Variants in CTBP2 observed in about 807,000 individuals in gnomAD.
CTBP2 encodes the protein C-terminal binding protein 2.
A neutral mutation model predicts 80.3 loss-of-function variants in CTBP2; 30 were observed. The observed-to-expected ratio is 0.37, with a 90% CI of 0.28 to 0.51. The LOEUF is 0.51. Ranked by LOEUF, CTBP2 falls within the 20% of genes least tolerant of loss-of-function variation. The pLI is 0.93. For missense variants in CTBP2, 1,212 were observed against 1,375.3 expected, an observed-to-expected ratio of 0.88 and a Z score of 1.88; for synonymous variants, 594 against 587.4, an observed-to-expected ratio of 1.01 and a Z score of -0.16.
chr10:125,140,567 A>T (rs1326333479), intron 1 of CTBP2, among the ~76,000 whole-genome samples: 1 of 152,250 alleles, frequency 6.6e-6, no homozygotes, highest in Non-Finnish European at 1.5e-5. Context: ...TCACGCCTGT[A>T]ATCTCAGCAC....
In CTBP2 at chr10:125,027,712, C is replaced by T; in HGVS notation, c.48G>A (p.Trp16Ter). ...GGCCCTCGTACCACCCAGCAGCATC[C>T]CAGCTCTGAGAACGACCAATATTTA... Residue 16 changes from tryptophan to a stop codon, truncating the protein, a stop_gained, in exon 1 of 9, where the codon TGG (tryptophan) becomes TGA (stop). Transcript: ENST00000309035. LOFTEE classifies it high-confidence loss of function. 1 of 1,611,950 alleles carries T rather than the reference C, an allele frequency of 6.2e-7. No individual in the cohort carries two copies. Among genetic ancestry groups the T allele is most frequent in the Non-Finnish European group, 8.5e-7 (1 of 1,178,678 alleles).
At chr10:124,994,762 G>C in intron 4 of CTBP2, 79 bp from the exon 7 acceptor site, 1 of 1,439,064 alleles carries the variant, frequency 6.9e-7, no homozygotes, top group South Asian at 1.2e-5. Context: ...CTTCTGAGCT[G>C]AGTCCGGGCT....
intron 6 of CTBP2, 133 bp downstream of exon 8, chr10:124,993,722 G>T: frequency 8.8e-7 from 1 of 1,129,988 alleles, no homozygotes; most frequent in Non-Finnish European, 1.3e-6. Flanking sequence ...GAAGAACAGA[G>T]ACTGTAAATG....
chr10:125,026,588 G>GGAGCC lies in CTBP2; in HGVS notation c.1167_1171dup (p.Pro391ArgfsTer59). On this transcript the variant is annotated frameshift_variant, in exon 1 of 9. Transcript: ENST00000309035. LOFTEE classifies it high-confidence loss of function. The stretch of plus-strand genomic sequence containing the variant: ...AGCTCGGGGGGATGCTGTCTGCAGA[G>GGAGCC]GAGCCGCAGCGCCCAGAGAAGCCAA... The GGAGCC allele has an allele frequency of 6.5e-7, 1 of 1,528,684 alleles. No homozygotes were observed. Among genetic ancestry groups the GGAGCC allele is most frequent in the Non-Finnish European group, 8.8e-7 (1 of 1,139,414 alleles). The allele number at this position is 1,528,684 out of a possible 1,614,324, so 94.7% of individuals were successfully genotyped here.
chr10:125,010,080 G>C (rs987581905), intron 1 of CTBP2, among the ~76,000 whole-genome samples: 3 of 152,132 alleles, frequency 2.0e-5, no homozygotes, highest in Non-Finnish European at 2.9e-5. Context: ...GAAGACTGCG[G>C]GCAACAGGCA....
At chr10:125,102,051 A>C (rs1161966147) in intron 2 of CTBP2, among the ~76,000 whole-genome samples, 5 of 152,058 alleles carry the variant, frequency 3.3e-5, no homozygotes, top group African/African-American at 1.2e-4. Context: ...AGCTCTTAAC[A>C]TGTACCAGGT....
chr10:125,141,152 A>G (rs1193933006), intron 1 of CTBP2, among the ~76,000 whole-genome samples: 1 of 152,008 alleles, frequency 6.6e-6, no homozygotes, highest in Admixed American at 6.5e-5. Flanking sequence ...AAAAAAAAAA[A>G]AGAATAAATA....
intron 1 of CTBP2, among the ~76,000 whole-genome samples, chr10:125,008,713 C>T (rs1955534148): frequency 1.3e-5 from 2 of 152,214 alleles, no homozygotes; most frequent in African/African-American, 2.4e-5. Flanking sequence ...CTTTCCTCCC[C>T]GTCTAATTAG....
intron 1 of CTBP2, among the ~76,000 whole-genome samples, chr10:125,148,529 G>C (rs762715579): frequency 6.6e-6 from 1 of 152,154 alleles, no homozygotes; most frequent in African/African-American, 2.4e-5. Context: ...TGCTCTGAGG[G>C]GCCAAGTAAC....
At chr10:125,019,748 A>T (rs1011551685) in intron 1 of CTBP2, among the ~76,000 whole-genome samples, 1 of 152,228 alleles carries the variant, frequency 6.6e-6, no homozygotes, top group African/African-American at 2.4e-5. Context: ...CCCTCGATTA[A>T]GCAATGGTTT....
intron 2 of CTBP2, among the ~76,000 whole-genome samples, chr10:125,069,631 AAAACAAAATTACT>A (rs1845154862): frequency 6.6e-6 from 1 of 152,150 alleles, no homozygotes; most frequent in Non-Finnish European, 1.5e-5. Context: ...AACAAACAAG[AAAACAAAATTACT>A]GGCTGAAAGT....
chr10:125,064,910 ATATT>A (rs1438516355), intron 2 of CTBP2, among the ~76,000 whole-genome samples: 1 of 152,200 alleles, frequency 6.6e-6, no homozygotes, highest in Admixed American at 6.5e-5. Flanking sequence ...CAAGTTTTGC[ATATT>A]TGGGATTTCA....
At chr10:125,117,109 T>C (rs1025990637) in intron 1 of CTBP2, among the ~76,000 whole-genome samples, 22 of 152,220 alleles carry the variant, frequency 1.4e-4, no homozygotes, top group Admixed American at 9.8e-4. Flanking sequence ...GGGCCACACC[T>C]GTGCTCTCCC....
rs1237084711 is a variant in CTBP2 at position 125,027,302 on chromosome 10, C to A, written c.458G>T (p.Gly153Val). Reference sequence around the variant, plus strand: ...GGCGTCCTGCAGGGCAGGTGACCGGCCTTGCATTGGATCCCATGACGTTCT... The same window carrying A: ...GGCGTCCTGCAGGGCAGGTGACCGGACTTGCATTGGATCCCATGACGTTCT... Residue 153 changes from glycine to valine, a missense_variant, in exon 1 of 9, where the codon GGC (glycine) becomes GTC (valine). This residue lies in a region of CTBP2 where 848 missense variants were observed against 782.3 expected (regional missense o/e 1.08). Transcript: ENST00000309035. The A allele has an allele frequency of 8.1e-6, 13 of 1,613,786 alleles. No individual in the cohort carries two copies. The highest frequency in any genetic ancestry group is 7.6e-6 in the Non-Finnish European group (9 of 1,180,006).
chr10:125,026,712 T>C lies in CTBP2; in HGVS notation c.1048A>G (p.Arg350Gly). 1 of 1,612,740 alleles carries C rather than the reference T, an allele frequency of 6.2e-7. No homozygotes were observed. Among genetic ancestry groups the C allele is most frequent in the Non-Finnish European group, 8.5e-7 (1 of 1,179,862 alleles). ...TGCCTCCGCAGCTGCATTTCGGTCC[T>C]GCAGCTATTGGCCAGGCGGCTCAGA... The change falls in exon 1 of 9, where the codon AGG becomes GGG. Residue 350 changes from arginine (R) to glycine (G), a missense_variant. Coordinates refer to ENST00000309035, the MANE Select transcript of CTBP2 (RefSeq NM_022802.3).
upstream of CTBP2, chr10:125,161,083 A>C (rs1159952083): frequency 7.2e-6 from 1 of 138,830 alleles, no homozygotes; most frequent in East Asian, 2.2e-4. Flanking sequence ...GGGGGGGCAA[A>C]GGCGGGGTCT....
intron 2 of CTBP2, among the ~76,000 whole-genome samples, chr10:125,091,761 C>A (rs1378461353): frequency 6.6e-6 from 1 of 152,090 alleles, no homozygotes; most frequent in African/African-American, 2.4e-5. Flanking sequence ...AGAGTGAGAC[C>A]CTGTCTTGGA....
chr10:125,065,401 T>G (rs1346735027), intron 2 of CTBP2, among the ~76,000 whole-genome samples: 1 of 152,170 alleles, frequency 6.6e-6, no homozygotes, highest in East Asian at 1.9e-4. Context: ...AGTCAACATT[T>G]TAATGCAGCT....
intron 1 of CTBP2, among the ~76,000 whole-genome samples, chr10:125,023,387 C>G (rs567924133): frequency 8.5e-5 from 13 of 152,364 alleles, no homozygotes; most frequent in African/African-American, 3.1e-4. Context: ...AAAATGGCCG[C>G]AGCCCCATTC....
Sources: allele counts gnomAD v4.1 joint callset (sites outside exome capture counted in the v4.1 genomes callset), GRCh38; gene constraint gnomAD v4.1.1; regional missense constraint gnomAD v4.1.1; transcripts MANE v1.5; gene names NCBI Gene and HGNC (gene_info 2026-07-23, HGNC 2026-07-21).